The following DCUN1D4 variants were observed in gnomAD, a reference collection of about 807,000 sequenced individuals.
DCUN1D4 encodes the protein DCN1-like protein 4.
In DCUN1D4, 22 loss-of-function variants were observed where a neutral mutation model predicts 47.9. The ratio of observed to expected loss-of-function variants is 0.46; its 90% confidence interval spans 0.33 to 0.66. The LOEUF (loss-of-function observed/expected upper bound fraction) is 0.66. DCUN1D4 is among the 30% of genes least tolerant of loss of function. DCUN1D4 has a pLI of 0.02. For synonymous variants in DCUN1D4, 121 were observed against 112.2 expected (o/e 1.08, Z -0.50); for missense variants, 301 against 340.8 (o/e 0.88, Z 0.92).
intron 3 of DCUN1D4, among the ~76,000 whole-genome samples, chr4:51,872,753 C>T (rs2319744): frequency 0.42 from 63,177 of 152,088 alleles, 15,821 homozygotes; most frequent in African/African-American, 0.7. Flanking sequence ...CTTGGCTTTA[C>T]GTGCTGCTTT....
the DCUN1D4 span, among the ~76,000 whole-genome samples, chr4:51,834,042 TTC>T: frequency 0.17 from 8,828 of 51,642 alleles, 796 homozygotes; most frequent in Non-Finnish European, 0.21. Flanking sequence ...TTAGGAGTCT[TTC>T]TCTCTCTCTC....
At chr4:51,875,139 C>A (rs780971519) in intron 4 of DCUN1D4, 1 of 152,032 alleles carries the variant, frequency 6.6e-6, no homozygotes, top group Non-Finnish European at 1.5e-5. Flanking sequence ...CTGTTTCTTT[C>A]TTGCTGTGAC....
intron 3 of DCUN1D4, 124 bp downstream of exon 3, chr4:51,863,833 A>G: frequency 4.7e-6 from 5 of 1,060,860 alleles, no homozygotes; most frequent in Non-Finnish European, 6.7e-6. Context: ...TCCTTGGCTG[A>G]GGTTGTTTTT....
rs561789514 is a variant in DCUN1D4 at position 51,867,432 on chromosome 4, C to T, written c.136+3723C>T. Among the ~76,000 whole-genome samples, 37 of 152,282 alleles carry T rather than the reference C, an allele frequency of 2.4e-4. No individual in the cohort carries two copies. The South Asian group carries it at 7.3e-3, about 30-fold the overall frequency. ...TTTGGTGGATCCTGAGTTCTTGTCC[C>T]GCATCCAGGAAGAATGAGGTATGCA... On this transcript the variant is annotated intron_variant, in intron 3 of 10. Coordinates refer to ENST00000334635, the MANE Select transcript of DCUN1D4 (RefSeq NM_001040402.3).
At chr4:51,889,970 A>G (rs74879646) in intron 6 of DCUN1D4, among the ~76,000 whole-genome samples, 5,972 of 152,314 alleles carry the variant, frequency 0.039, 408 homozygotes, top group African/African-American at 0.14. Context: ...CTTTCAAAAA[A>G]TTGATATGTA....
chr4:51,872,013 C>T (rs1726973795), intron 3 of DCUN1D4, among the ~76,000 whole-genome samples: 1 of 152,080 alleles, frequency 6.6e-6, no homozygotes, highest in African/African-American at 2.4e-5. Flanking sequence ...CTACTCCAAT[C>T]CTTGGAAGGA....
chr4:51,844,871 A>G, intron 1 of DCUN1D4: 1 of 984,842 alleles, frequency 1.0e-6, no homozygotes, highest in Non-Finnish European at 1.2e-6. Context: ...GCGCCCTTGG[A>G]GCCTTCCTGC....
At chr4:51,854,560 A>G (rs1729648566) in intron 1 of DCUN1D4, among the ~76,000 whole-genome samples, 2 of 152,156 alleles carry the variant, frequency 1.3e-5, no homozygotes, top group South Asian at 2.1e-4. Flanking sequence ...TCAAACCCAC[A>G]TGCATTTCTA....
intron 5 of DCUN1D4, among the ~76,000 whole-genome samples, chr4:51,878,410 A>G (rs960738562): frequency 2.0e-5 from 3 of 152,186 alleles, no homozygotes; most frequent in African/African-American, 7.2e-5. Flanking sequence ...AAAAATTTTC[A>G]AACAAGCTCA....
chr4:51,844,747 A>G (rs10009426), intron 1 of DCUN1D4: 267,240 of 794,002 alleles, frequency 0.34, 51,335 homozygotes, highest in African/African-American at 0.78. Flanking sequence ...GTCAACGGGT[A>G]TGAAGGGGAA....
At chr4:51,891,369 C>T (rs538854524) in intron 6 of DCUN1D4, among the ~76,000 whole-genome samples, 1 of 152,312 alleles carries the variant, frequency 6.6e-6, no homozygotes, top group South Asian at 2.1e-4. Context: ...ACAAATTGTA[C>T]TGCAGTAAAT....
At position 51,904,802 on chromosome 4, in the gene DCUN1D4, C is replaced by T. The variant is rs183612102; in HGVS notation, c.615+5424C>T. Among the ~76,000 whole-genome samples the T allele has an allele frequency of 2.9e-3, 445 of 152,230 alleles. 2 individuals are homozygous for T. Among genetic ancestry groups the T allele is most frequent in the Non-Finnish European group, 4.4e-3 (299 of 68,020 alleles). On this transcript the variant is annotated intron_variant, in intron 8 of 10. Coordinates refer to ENST00000334635, the MANE Select transcript of DCUN1D4 (RefSeq NM_001040402.3). ...AGAACTCAAACCTCATTTTTTCCCC[C>T]TCAAATCTGTTTTTTCCTACTAGAA...
At chr4:51,844,368 G>A (rs1005513903) in intron 1 of DCUN1D4, 2 of 984,896 alleles carry the variant, frequency 2.0e-6, no homozygotes, top group Admixed American at 6.2e-5. Context: ...GTTGGAACTG[G>A]CCGTGGTTCC....
At chr4:51,845,109 C>T in intron 1 of DCUN1D4, 1 of 985,410 alleles carries the variant, frequency 1.0e-6, no homozygotes, top group Non-Finnish European at 1.2e-6. Context: ...ATCATGCGCA[C>T]GGGTTGTGGG....
At chr4:51,868,905 G>T (rs1726400990) in intron 3 of DCUN1D4, among the ~76,000 whole-genome samples, 2 of 152,086 alleles carry the variant, frequency 1.3e-5, no homozygotes, top group Non-Finnish European at 2.9e-5. Context: ...GGATCACGAG[G>T]TCAGGAGTTC....
Position 51,857,000 on chromosome 4 carries a change from G to C in DCUN1D4, c.26-6437G>C, listed in dbSNP as rs371591956. 8.5e-5 allele frequency among the ~76,000 whole-genome samples: 13 copies of C among 152,202 alleles called. No homozygotes were observed. In the East Asian group the frequency reaches 2.1e-3, roughly 25 times the overall value. ...GCCTCGTCTTCAACTTCAGTTTAGG[G>C]ACCATGTTTTATGAAAATACATCAC... is the stretch of plus-strand genomic sequence containing the variant. On this transcript the variant is annotated intron_variant, in intron 1 of 10. Transcript: ENST00000334635.
chr4:51,869,241 C>CT (rs748069221), intron 3 of DCUN1D4, among the ~76,000 whole-genome samples: 1 of 150,304 alleles, frequency 6.7e-6, no homozygotes, highest in East Asian at 2.0e-4. Context: ...GGAAAAAATT[C>CT]TTTTGTCCTT....
At chr4:51,901,450 C>T (rs1208783393) in intron 8 of DCUN1D4, among the ~76,000 whole-genome samples, 8 of 152,220 alleles carry the variant, frequency 5.3e-5, no homozygotes, top group Admixed American at 6.5e-5. Context: ...CCCCACTCAA[C>T]GCCTGCATTA....
chr4:51,912,061 T>G (rs1733794895), intron 9 of DCUN1D4, among the ~76,000 whole-genome samples: 1 of 152,208 alleles, frequency 6.6e-6, no homozygotes, highest in Admixed American at 6.5e-5. Context: ...ATTAAAAATT[T>G]CTTTTAACAT....
Sources: gnomAD v4.1 joint callset for allele counts (sites outside exome capture counted in the v4.1 genomes callset) on GRCh38, gnomAD v4.1.1 for gene constraint, MANE v1.5 for transcripts, NCBI Gene and HGNC (gene_info 2026-07-23, HGNC 2026-07-21) for gene names.